The following STK3 variants were observed in gnomAD, a reference collection of about 807,000 sequenced individuals.
The protein encoded by STK3 is serine/threonine kinase 3.
STK3 carries 41 observed loss-of-function variants against 58.0 expected under a neutral mutation model. The observed-to-expected ratio is 0.71, with a 90% CI of 0.55 to 0.92. The LOEUF is 0.92. Ranked by LOEUF, STK3 falls within the 40% of genes least tolerant of loss-of-function variation. The pLI, the probability that STK3 is intolerant of heterozygous loss-of-function variation, is 0.00. For synonymous variants in STK3, 170 were observed against 191.0 expected (o/e 0.89, Z 0.91); for missense variants, 479 against 602.7 (o/e 0.79, Z 2.15).
At chr8:98,801,394 T>C (rs531366803) in intron 1 of STK3, among the ~76,000 whole-genome samples, 22 of 152,228 alleles carry the variant, frequency 1.4e-4, no homozygotes, top group African/African-American at 5.3e-4. Context: ...TTCCACACTG[T>C]GGAAGCTTTG....
chr8:98,898,329 T>G (rs1838533615), intron 1 of STK3, among the ~76,000 whole-genome samples: 1 of 152,156 alleles, frequency 6.6e-6, no homozygotes. Context: ...CACAACAAAC[T>G]CTGTTGAGGC....
At chr8:98,542,433 A>G (rs1810367401) in intron 9 of STK3, among the ~76,000 whole-genome samples, 1 of 152,038 alleles carries the variant, frequency 6.6e-6, no homozygotes, top group African/African-American at 2.4e-5. Context: ...CCTCTTATTC[A>G]TGTTGATGCT....
chr8:98,525,835 G>T (rs1028593626), intron 10 of STK3, among the ~76,000 whole-genome samples: 1 of 151,792 alleles, frequency 6.6e-6, no homozygotes, highest in East Asian at 1.9e-4. Context: ...AGCATTTAGA[G>T]TCATGTTGTC....
chr8:98,688,093 A>C (rs74676131), intron 6 of STK3, among the ~76,000 whole-genome samples: 4,524 of 152,354 alleles, frequency 0.03, 89 homozygotes, highest in Non-Finnish European at 0.042. Context: ...AAGATCAGTT[A>C]AACAGAAAAC....
chr8:98,914,695 A>C (rs1839279969), intron 1 of STK3, among the ~76,000 whole-genome samples: 1 of 152,206 alleles, frequency 6.6e-6, no homozygotes, highest in African/African-American at 2.4e-5. Flanking sequence ...TCCTCAAAAC[A>C]GGATGGTGGA....
At chr8:98,473,701 C>A (rs184032863) in intron 10 of STK3, among the ~76,000 whole-genome samples, 47 of 152,254 alleles carry the variant, frequency 3.1e-4, no homozygotes, top group South Asian at 2.1e-4. Flanking sequence ...TTTGTCCACA[C>A]CTTTCCTTCT....
At chr8:98,852,141 CT>C (rs869307934) in intron 3 of STK3, among the ~76,000 whole-genome samples, 296 of 141,848 alleles carry the variant, frequency 2.1e-3, no homozygotes, top group Non-Finnish European at 1.9e-3. Flanking sequence ...AGCTAATTTT[CT>C]TTTTTTTTTT....
chr8:98,642,897 A>G (rs1057218364), intron 6 of STK3, among the ~76,000 whole-genome samples: 1 of 152,198 alleles, frequency 6.6e-6, no homozygotes, highest in Non-Finnish European at 1.5e-5. Context: ...TAAATCTTCA[A>G]TGGCAAGTCC....
chr8:98,459,015 G>C (rs191532284), intron 10 of STK3, among the ~76,000 whole-genome samples: 8 of 152,332 alleles, frequency 5.3e-5, no homozygotes, highest in Admixed American at 4.6e-4. Context: ...CTTTGGAACT[G>C]GGTAATGGGC....
intron 1 of STK3, among the ~76,000 whole-genome samples, chr8:98,386,689 T>C (rs1817794686): frequency 6.6e-6 from 1 of 152,166 alleles, no homozygotes; most frequent in South Asian, 2.1e-4. Context: ...CTTAAAACTA[T>C]GTAAATGCCA....
At chr8:98,706,262 T>A (rs1219949359) in intron 6 of STK3, among the ~76,000 whole-genome samples, 1 of 152,190 alleles carries the variant, frequency 6.6e-6, no homozygotes, top group Non-Finnish European at 1.5e-5. Flanking sequence ...GGTAGAGATA[T>A]ACAAAGCCTT....
chr8:98,603,428 G>C (rs1164148544), intron 6 of STK3: 2 of 152,100 alleles, frequency 1.3e-5, no homozygotes, highest in African/African-American at 4.8e-5. Context: ...GTAGAGACAA[G>C]GTTTCACCAT....
chr8:98,804,355 G>A (rs554829974), intron 1 of STK3, among the ~76,000 whole-genome samples: 97 of 152,088 alleles, frequency 6.4e-4, no homozygotes, highest in Non-Finnish European at 1.2e-3. Context: ...TAGTTACTAC[G>A]ATATTCTCAG....
At chr8:98,707,084 TTAGTTA>T (rs756058800) in intron 5 of STK3, 57 bp downstream of exon 5, 76 of 1,486,276 alleles carry the variant, frequency 5.1e-5, no homozygotes, top group Non-Finnish European at 5.9e-5. Flanking sequence ...TAATTGAAGT[TTAGTTA>T]TAATCAAATC....
intron 1 of STK3, among the ~76,000 whole-genome samples, chr8:98,798,302 T>A (rs898942425): frequency 6.6e-6 from 1 of 152,240 alleles, no homozygotes; most frequent in Non-Finnish European, 1.5e-5. Context: ...TATTTCTATG[T>A]CAATATAAAA....
intron 3 of STK3, among the ~76,000 whole-genome samples, chr8:98,842,784 T>G (rs1279562092): frequency 6.7e-6 from 1 of 150,270 alleles, no homozygotes; most frequent in African/African-American, 2.5e-5. Context: ...GTGGATTGTT[T>G]GAGCTCAGGA....
downstream of STK3, among the ~76,000 whole-genome samples, chr8:98,369,902 G>T (rs1817594606): frequency 6.6e-6 from 1 of 152,066 alleles, no homozygotes; most frequent in Non-Finnish European, 1.5e-5. Flanking sequence ...CTTTCATGGT[G>T]CCTATGGTGT....
chr8:98,770,933 TA>T (rs373228242), intron 2 of STK3, among the ~76,000 whole-genome samples: 34 of 151,496 alleles, frequency 2.2e-4, no homozygotes, highest in African/African-American at 3.9e-4. Flanking sequence ...TAGCTTCATT[TA>T]AAAAAAAACT....
intron 10 of STK3, among the ~76,000 whole-genome samples, chr8:98,477,843 T>C (rs1821500869): frequency 6.6e-6 from 1 of 150,934 alleles, no homozygotes; most frequent in Non-Finnish European, 1.5e-5. Flanking sequence ...GGGTCAGGGG[T>C]AATTCTTGGT....
Sources: allele counts gnomAD v4.1 joint callset (sites outside exome capture counted in the v4.1 genomes callset), GRCh38; gene constraint gnomAD v4.1.1; transcripts MANE v1.5; gene names NCBI Gene and HGNC (gene_info 2026-07-23, HGNC 2026-07-21).